SLC5A4: variants seen among roughly 807,000 people sequenced by gnomAD.
The protein encoded by SLC5A4 is solute carrier family 5 member 4, also known as probable glucose sensor protein SLC5A4.
SLC5A4 carries 55 observed loss-of-function variants against 70.3 expected under a neutral mutation model. The observed-to-expected ratio is 0.78, with a 90% CI of 0.63 to 0.98. The LOEUF is 0.98. Ranked by LOEUF, SLC5A4 falls within the 50% of genes least tolerant of loss-of-function variation. SLC5A4 has a pLI of 0.00. For missense variants in SLC5A4, 735 were observed against 839.2 expected (o/e 0.88, Z 1.53); for synonymous variants, 268 against 305.7 (o/e 0.88, Z 1.29).
At chr22:32,242,001 G>A (rs1418410554) in intron 5 of SLC5A4, among the ~76,000 whole-genome samples, 2 of 151,894 alleles carry the variant, frequency 1.3e-5, no homozygotes, top group African/African-American at 4.8e-5. Context: ...TGGAATTGGA[G>A]ATATTAGTGT....
Position 32,239,053 on chromosome 22 carries a change from G to T in SLC5A4, c.515C>A (p.Ala172Asp), listed in dbSNP as rs200192193. 1.3e-4 allele frequency: 206 copies of T among 1,613,850 alleles called. No individual in the cohort carries two copies. Among genetic ancestry groups the T allele is most frequent in the Non-Finnish European group, 1.7e-4 (198 of 1,179,922 alleles). The change falls in exon 6 of 15, where the codon GCC becomes GAC. Residue 172 changes from alanine to aspartate, a missense_variant. Ala to Asp is a moderately radical substitution (Grantham distance 126). Coordinates refer to ENST00000266086, the MANE Select transcript of SLC5A4 (RefSeq NM_014227.3). ...TGCCAGGTAAAGGTCCAATCCCAAG[G>T]CCAGCTTGATGAATATGGCTCCAGC... is the stretch of plus-strand genomic sequence containing the variant. ...IFAGAIFIKLALGLDLYLAIF... is the reference protein window; with the variant it reads ...IFAGAIFIKLDLGLDLYLAIF...
the SLC5A4 span, among the ~76,000 whole-genome samples, chr22:32,336,241 C>T: frequency 6.6e-6 from 1 of 152,172 alleles, no homozygotes; most frequent in Admixed American, 6.5e-5. Context: ...CTTGCTGCAG[C>T]TCAGAGGGTG....
At chr22:32,304,849 A>G in the SLC5A4 span, among the ~76,000 whole-genome samples, 2 of 110,728 alleles carry the variant, frequency 1.8e-5, no homozygotes, top group Non-Finnish European at 4.0e-5. Context: ...GGAGTTCTAC[A>G]GTTTTTTTTT....
At chr22:32,248,836 T>C (rs780779464) in intron 3 of SLC5A4, 34 bp from the exon 4 acceptor site, 4 of 1,447,942 alleles carry the variant, frequency 2.8e-6, no homozygotes, top group Non-Finnish European at 3.9e-6. Flanking sequence ...CAGTGAGACA[T>C]TAAAGAGGCT....
chr22:32,284,905 T>A, the SLC5A4 span: 1 of 152,218 alleles, frequency 6.6e-6, no homozygotes, highest in African/African-American at 2.4e-5. Context: ...AGGAGGGTTT[T>A]CTTCCAGGTT....
At chr22:32,238,702 G>A (rs986322175) in intron 6 of SLC5A4, among the ~76,000 whole-genome samples, 1 of 152,122 alleles carries the variant, frequency 6.6e-6, no homozygotes, top group Non-Finnish European at 1.5e-5. Flanking sequence ...TGCTGAATTC[G>A]AAGTGCCAAT....
chr22:32,328,149 C>T, the SLC5A4 span, among the ~76,000 whole-genome samples: 1 of 152,110 alleles, frequency 6.6e-6, no homozygotes, highest in African/African-American at 2.4e-5. Flanking sequence ...CCAGCACACA[C>T]ACACCAACTG....
intron 5 of SLC5A4, among the ~76,000 whole-genome samples, chr22:32,244,627 T>C (rs1016262751): frequency 7.2e-5 from 11 of 152,130 alleles, no homozygotes; most frequent in African/African-American, 2.7e-4. Flanking sequence ...AGCTCCTGGG[T>C]TCAAGTGATC....
At chr22:32,227,103 T>G (rs1925447893) in intron 11 of SLC5A4, among the ~76,000 whole-genome samples, 1 of 152,150 alleles carries the variant, frequency 6.6e-6, no homozygotes, top group Non-Finnish European at 1.5e-5. Context: ...CCTTTATTAA[T>G]TGTCTATCTT....
the SLC5A4 span, among the ~76,000 whole-genome samples, chr22:32,306,166 T>C: frequency 6.6e-6 from 1 of 152,146 alleles, no homozygotes; most frequent in Non-Finnish European, 1.5e-5. Flanking sequence ...GACATTGTTA[T>C]AAAAATTACT....
chr22:32,241,775 A>ATGTGTG (rs373261572), intron 5 of SLC5A4, among the ~76,000 whole-genome samples: 83 of 139,186 alleles, frequency 6.0e-4, no homozygotes, highest in East Asian at 4.6e-3. Context: ...ACATATATAT[A>ATGTGTG]TGTGTGTGTG....
chr22:32,250,163 G>A (rs1389519906), intron 3 of SLC5A4, among the ~76,000 whole-genome samples: 1 of 152,120 alleles, frequency 6.6e-6, no homozygotes, highest in Non-Finnish European at 1.5e-5. Context: ...TCTTAGAGGT[G>A]AGCAGTGATG....
chr22:32,326,494 A>G, the SLC5A4 span, among the ~76,000 whole-genome samples: 1 of 151,790 alleles, frequency 6.6e-6, no homozygotes, highest in African/African-American at 2.4e-5. Flanking sequence ...ACCTCAGGTG[A>G]TCCACCCGCC....
At chr22:32,237,618 GTTTCTC>G (rs1397673214) in intron 6 of SLC5A4, among the ~76,000 whole-genome samples, 1 of 152,178 alleles carries the variant, frequency 6.6e-6, no homozygotes, top group African/African-American at 2.4e-5. Flanking sequence ...TACCATGAAA[GTTTCTC>G]TTAACAATCC....
At chr22:32,319,277 C>A in the SLC5A4 span, among the ~76,000 whole-genome samples, 2 of 152,094 alleles carry the variant, frequency 1.3e-5, no homozygotes, top group Admixed American at 1.3e-4. Context: ...CTCAGGCCCT[C>A]GACCACACTG....
chr22:32,251,703 G>T, intron 3 of SLC5A4, 67 bp downstream of exon 3: 1 of 924,014 alleles, frequency 1.1e-6, no homozygotes, highest in Non-Finnish European at 1.8e-6. Context: ...TGTCATAGCA[G>T]CATAAAACAT....
chr22:32,308,730 C>G, the SLC5A4 span, among the ~76,000 whole-genome samples: 1 of 151,988 alleles, frequency 6.6e-6, no homozygotes, highest in African/African-American at 2.4e-5. Flanking sequence ...GCATTGGAGA[C>G]AGCAAGAGGG....
At chr22:32,332,219 TC>T in the SLC5A4 span, among the ~76,000 whole-genome samples, 1 of 152,144 alleles carries the variant, frequency 6.6e-6, no homozygotes, top group Non-Finnish European at 1.5e-5. Flanking sequence ...GGCACCCTTG[TC>T]CCTGGACTAA....
At chr22:32,332,266 A>G in the SLC5A4 span, among the ~76,000 whole-genome samples, 1 of 152,192 alleles carries the variant, frequency 6.6e-6, no homozygotes, top group South Asian at 2.1e-4. Context: ...GCACAGTCAG[A>G]CCTACTTGCA....
Sources: allele counts gnomAD v4.1 joint callset (sites outside exome capture counted in the v4.1 genomes callset), GRCh38; gene constraint gnomAD v4.1.1; transcripts MANE v1.5; gene names NCBI Gene and HGNC (gene_info 2026-07-23, HGNC 2026-07-21).